Variants in CCDC91 observed in about 807,000 individuals in gnomAD.
CCDC91 encodes the protein coiled-coil domain containing 91.
Under a neutral mutation model 63.2 loss-of-function variants are expected in CCDC91, and 48 were observed. The ratio of observed to expected loss-of-function variants is 0.76; its 90% CI spans 0.60 to 0.97. The LOEUF (loss-of-function observed/expected upper bound fraction) is 0.97. Ranked by LOEUF, CCDC91 falls within the 50% of genes least tolerant of loss-of-function variation. CCDC91 has a pLI of 0.00. For missense variants in CCDC91, 500 were observed against 494.6 expected, an observed-to-expected ratio of 1.01 and a Z score of -0.10; for synonymous variants, 167 against 165.8, an observed-to-expected ratio of 1.01 and a Z score of -0.06.
At chr12:28,469,064 G>A (rs575815236) in intron 11 of CCDC91, among the ~76,000 whole-genome samples, 7 of 152,088 alleles carry the variant, frequency 4.6e-5, no homozygotes, top group East Asian at 1.9e-4. Context: ...CTTATTCATC[G>A]TAGTACTGGA....
chr12:28,474,230 T>A (rs1426876290), intron 11 of CCDC91, among the ~76,000 whole-genome samples: 1 of 152,084 alleles, frequency 6.6e-6, no homozygotes, highest in African/African-American at 2.4e-5. Context: ...TCGTTTTTTC[T>A]TGTTTTGGCA....
At chr12:28,191,630 TC>T (rs60041419) in intron 1 of CCDC91, among the ~76,000 whole-genome samples, 46,670 of 150,784 alleles carry the variant, frequency 0.31, 7,584 homozygotes, top group Non-Finnish European at 0.36. Context: ...AGGCAACCCT[TC>T]CCCCCCCCAC....
intron 1 of CCDC91, among the ~76,000 whole-genome samples, chr12:28,245,159 C>A (rs1326199639): frequency 6.6e-6 from 1 of 152,004 alleles, no homozygotes; most frequent in East Asian, 1.9e-4. Flanking sequence ...CATAAAGATT[C>A]CTTTTCTGCT....
intron 8 of CCDC91, among the ~76,000 whole-genome samples, chr12:28,413,517 T>C (rs1947452628): frequency 6.6e-6 from 1 of 152,230 alleles, no homozygotes. Flanking sequence ...TTGTTTTTAA[T>C]AGTTTTACTT....
chr12:28,477,287 T>C (rs117066882), intron 11 of CCDC91, among the ~76,000 whole-genome samples: 29,296 of 152,166 alleles, frequency 0.19, 3,705 homozygotes, highest in Non-Finnish European at 0.29. Flanking sequence ...CAAGTGGGCT[T>C]GAACCCTGGG....
chr12:28,499,362 T>G (rs1394468696), intron 12 of CCDC91, among the ~76,000 whole-genome samples: 1 of 150,902 alleles, frequency 6.6e-6, no homozygotes, highest in Non-Finnish European at 1.5e-5. Flanking sequence ...ACTTTTATTA[T>G]TATTATTATT....
At chr12:28,257,765 G>GCACT (rs1209477348) in intron 2 of CCDC91, among the ~76,000 whole-genome samples, 1 of 151,968 alleles carries the variant, frequency 6.6e-6, no homozygotes, top group Non-Finnish European at 1.5e-5. Flanking sequence ...AGCTGAAGGA[G>GCACT]CACTGTCTTT....
At chr12:28,499,514 C>A (rs1952506879) in intron 12 of CCDC91, among the ~76,000 whole-genome samples, 1 of 151,920 alleles carries the variant, frequency 6.6e-6, no homozygotes, top group Non-Finnish European at 1.5e-5. Flanking sequence ...CTACCCCCCA[C>A]TCCCTTACAG....
At chr12:28,359,015 C>T (rs1165369783) in intron 6 of CCDC91, among the ~76,000 whole-genome samples, 1 of 152,284 alleles carries the variant, frequency 6.6e-6, no homozygotes, top group Admixed American at 6.5e-5. Context: ...CCTTCCTCAG[C>T]CTCCCGAGTA....
intron 12 of CCDC91, among the ~76,000 whole-genome samples, chr12:28,537,440 T>G (rs1484933391): frequency 3.3e-5 from 5 of 152,200 alleles, no homozygotes; most frequent in South Asian, 2.1e-4. Flanking sequence ...TATTTAGTAT[T>G]TTGAGCTTGT....
intron 8 of CCDC91, among the ~76,000 whole-genome samples, chr12:28,416,382 GA>G (rs1003174615): frequency 2.7e-5 from 4 of 150,560 alleles, no homozygotes; most frequent in Non-Finnish European, 5.9e-5. Context: ...TACTGTTAGA[GA>G]AAAAAAAACT....
Position 28,257,261 on chromosome 12 carries a change from T to A in CCDC91, c.30+16T>A, listed in dbSNP as rs760232977. ...TGGTTTTGAGGTATGCACTGTTATTTACATTAGTTTGTTTTAACTTTGTGG... is the reference window on the plus strand; with the variant it reads ...TGGTTTTGAGGTATGCACTGTTATTAACATTAGTTTGTTTTAACTTTGTGG... On this transcript the variant is annotated intron_variant, in intron 2 of 12. Coordinates refer to ENST00000536442, the MANE Select transcript of CCDC91 (RefSeq NM_018318.5). The A allele has an allele frequency of 2.5e-6, 4 of 1,581,648 alleles. No individual in the cohort carries two copies. Among genetic ancestry groups the A allele is most frequent in the Admixed American group, 1.7e-5 (1 of 59,396 alleles).
At chr12:28,477,760 C>T (rs1951190646) in intron 11 of CCDC91, among the ~76,000 whole-genome samples, 2 of 152,202 alleles carry the variant, frequency 1.3e-5, no homozygotes, top group Non-Finnish European at 2.9e-5. Flanking sequence ...GCAACTTCAG[C>T]AAAGTCTCAG....
At chr12:28,426,873 G>A (rs1277374358) in intron 8 of CCDC91, among the ~76,000 whole-genome samples, 1 of 152,102 alleles carries the variant, frequency 6.6e-6, no homozygotes, top group African/African-American at 2.4e-5. Context: ...TTTTTATGAT[G>A]TACTATATAA....
At chr12:28,460,821 A>AT (rs1003262603) in intron 11 of CCDC91, among the ~76,000 whole-genome samples, 21 of 151,768 alleles carry the variant, frequency 1.4e-4, no homozygotes, top group African/African-American at 5.1e-4. Context: ...GTATATATAT[A>AT]TTTTTTAACT....
intron 11 of CCDC91, among the ~76,000 whole-genome samples, chr12:28,452,904 G>T (rs989239828): frequency 6.6e-6 from 1 of 151,496 alleles, no homozygotes; most frequent in Admixed American, 6.6e-5. Context: ...TTTCTAAAAG[G>T]TCAAAACAAA....
chr12:28,324,966 T>C (rs1263585029), intron 6 of CCDC91, among the ~76,000 whole-genome samples: 1 of 151,918 alleles, frequency 6.6e-6, no homozygotes, highest in Non-Finnish European at 1.5e-5. Context: ...CGAATGTCAC[T>C]TGGAAGCATA....
At chr12:28,522,768 G>T in intron 12 of CCDC91, among the ~76,000 whole-genome samples, 1 of 152,156 alleles carries the variant, frequency 6.6e-6, no homozygotes, top group Non-Finnish European at 1.5e-5. Context: ...ATTCTGGTAT[G>T]TTGTGTCTTT....
At chr12:28,193,069 G>C (rs780104551) in intron 1 of CCDC91, among the ~76,000 whole-genome samples, 3 of 152,122 alleles carry the variant, frequency 2.0e-5, no homozygotes, top group Non-Finnish European at 2.9e-5. Flanking sequence ...CATGTTTGTT[G>C]ATGCTTGGTT....
Sources: allele counts gnomAD v4.1 joint callset (sites outside exome capture counted in the v4.1 genomes callset), GRCh38; gene constraint gnomAD v4.1.1; transcripts MANE v1.5; gene names NCBI Gene and HGNC (gene_info 2026-07-23, HGNC 2026-07-21).